SCFD1: variants seen among roughly 807,000 people sequenced by gnomAD.
The protein encoded by SCFD1 is sec1 family domain containing 1, also known as sec1 family domain-containing protein 1.
In SCFD1, 37 loss-of-function variants were observed where a neutral mutation model predicts 103.2. The observed-to-expected ratio is 0.36, with a 90% confidence interval of 0.28 to 0.47. The LOEUF (loss-of-function observed/expected upper bound fraction) is 0.47. Ranked by LOEUF, SCFD1 falls within the 20% of genes least tolerant of loss-of-function variation. SCFD1 has a pLI of 1.00. For missense variants in SCFD1, 639 were observed against 761.2 expected, an observed-to-expected ratio of 0.84 and a Z score of 1.89; for synonymous variants, 264 against 245.0, an observed-to-expected ratio of 1.08 and a Z score of -0.73.
chr14:30,717,533 A>C (rs1266833515), intron 20 of SCFD1, among the ~76,000 whole-genome samples: 6 of 152,108 alleles, frequency 3.9e-5, no homozygotes, highest in African/African-American at 7.2e-5. Context: ...CTTGAAGTTG[A>C]GATGAAAAAT....
At position 30,673,887 on chromosome 14, in the gene SCFD1, T is replaced by C. The variant is rs202156230; in HGVS notation, c.1087-37T>C. On this transcript the variant is annotated intron_variant, in intron 12 of 24. Coordinates refer to ENST00000458591, the MANE Select transcript of SCFD1 (RefSeq NM_016106.4). ...TTGATTTTTATGCTTGTGCCTGGGATTTTTGAGTAGCTATTGAGACCTTTT... is the reference window on the plus strand; with the variant it reads ...TTGATTTTTATGCTTGTGCCTGGGACTTTTGAGTAGCTATTGAGACCTTTT... 44 of 1,432,890 alleles carry C rather than the reference T, an allele frequency of 3.1e-5. 1 individual carries two copies. The highest frequency in any genetic ancestry group is 6.9e-5 in the South Asian group (6 of 87,368). The allele number at this position is 1,432,890 out of a possible 1,614,324, so 88.8% of individuals were successfully genotyped here.
chr14:30,642,244 C>T (rs1197792414), intron 6 of SCFD1, among the ~76,000 whole-genome samples: 4 of 152,130 alleles, frequency 2.6e-5, no homozygotes, highest in Non-Finnish European at 5.9e-5. Context: ...TGTGCCACCA[C>T]ACCTGGCTAA....
chr14:30,653,843 GA>G, intron 10 of SCFD1: 1 of 268,620 alleles, frequency 3.7e-6, no homozygotes, highest in Non-Finnish European at 6.9e-6. Context: ...AGAAGGAAAA[GA>G]AAACAATTGA....
chr14:30,734,810 T>C lies in SCFD1; in HGVS notation c.1857T>C (p.Ile619=). Residue 619 remains isoleucine (I), a synonymous_variant, in exon 24 of 25, where the codon ATT becomes ATC. Coordinates refer to ENST00000458591, the MANE Select transcript of SCFD1 (RefSeq NM_016106.4). ...TACAGGGGAAACAAGGCAAACACATTTTATATGGCTGCAGTGAGCTTTTTA... is the reference window on the plus strand; with the variant it reads ...TACAGGGGAAACAAGGCAAACACATCTTATATGGCTGCAGTGAGCTTTTTA... ...DYIKGKQGKH[I]LYGCSELFNA... 4 of 1,613,524 alleles carry C rather than the reference T, an allele frequency of 2.5e-6. No homozygotes were observed. The highest frequency in any genetic ancestry group is 3.4e-6 in the Non-Finnish European group (4 of 1,179,558).
chr14:30,722,713 T>C (rs1892736121), intron 23 of SCFD1, 154 bp downstream of exon 23: 2 of 422,116 alleles, frequency 4.7e-6, no homozygotes, highest in East Asian at 7.2e-5. Context: ...TTTATTGTTT[T>C]CCTATTCCTG....
intron 23 of SCFD1, among the ~76,000 whole-genome samples, chr14:30,727,851 G>A (rs1379853083): frequency 6.6e-6 from 1 of 151,986 alleles, no homozygotes; most frequent in Non-Finnish European, 1.5e-5. Flanking sequence ...TGTTGAGGTG[G>A]ATAACTACAA....
Position 30,735,755 on chromosome 14 carries a change from T to C in SCFD1, c.*146T>C. 1.8e-6 allele frequency: 1 copy of C among 559,586 alleles called. No individual in the cohort carries two copies. The highest frequency in any genetic ancestry group is 2.7e-5 in the South Asian group (1 of 36,468). The allele number at this position is 559,586 out of a possible 1,614,324, so 34.7% of individuals were successfully genotyped here. ...TATTTGTTAATTTTTAAGGAAATTA[T>C]ATACTTAATATGTATTGATTAAAAG... On this transcript the variant is annotated 3_prime_UTR_variant, in exon 25 of 25. Coordinates refer to ENST00000458591, the MANE Select transcript of SCFD1 (RefSeq NM_016106.4).
At chr14:30,629,146 G>T (rs1164199644) in intron 2 of SCFD1, among the ~76,000 whole-genome samples, 1 of 151,814 alleles carries the variant, frequency 6.6e-6, no homozygotes, top group African/African-American at 2.4e-5. Context: ...GAATTTCTTG[G>T]GTACAAATTT....
At chr14:30,733,075 G>T (rs1387313783) in intron 23 of SCFD1, among the ~76,000 whole-genome samples, 2 of 148,996 alleles carry the variant, frequency 1.3e-5, no homozygotes, top group East Asian at 3.9e-4. Flanking sequence ...GCGCAGTCTT[G>T]GCTCACTGCA....
At chr14:30,660,536 C>A (rs1436503168) in intron 10 of SCFD1, among the ~76,000 whole-genome samples, 1 of 152,020 alleles carries the variant, frequency 6.6e-6, no homozygotes, top group Non-Finnish European at 1.5e-5. Context: ...TAATTATTGC[C>A]TCTTTATTTT....
chr14:30,668,061 A>G (rs557601334), intron 10 of SCFD1, among the ~76,000 whole-genome samples: 6 of 152,244 alleles, frequency 3.9e-5, no homozygotes, highest in African/African-American at 9.6e-5. Flanking sequence ...TAAAGTTCAT[A>G]TGGAACCAAA....
intron 7 of SCFD1, among the ~76,000 whole-genome samples, chr14:30,647,335 A>G (rs1421047773): frequency 6.6e-6 from 1 of 152,078 alleles, no homozygotes; most frequent in Non-Finnish European, 1.5e-5. Context: ...TTATATGCAA[A>G]TTGTATGGCT....
chr14:30,628,110 T>C, intron 1 of SCFD1, 99 bp from the exon 2 acceptor site: 4 of 740,434 alleles, frequency 5.4e-6, no homozygotes, highest in Non-Finnish European at 9.1e-6. Context: ...TTTACTAGAG[T>C]TGATTAGTTT....
chr14:30,644,431 T>G (rs932470688), intron 7 of SCFD1, among the ~76,000 whole-genome samples: 3 of 152,236 alleles, frequency 2.0e-5, no homozygotes, highest in African/African-American at 7.2e-5. Flanking sequence ...CCAAATTGCT[T>G]TCCACAGTGG....
chr14:30,716,933 T>A (rs1365161733), intron 20 of SCFD1, among the ~76,000 whole-genome samples: 2 of 152,162 alleles, frequency 1.3e-5, no homozygotes, highest in Admixed American at 1.3e-4. Flanking sequence ...CATCTGGGAA[T>A]CAATACAGAT....
At chr14:30,651,340 A>G (rs1269265644) in intron 9 of SCFD1, among the ~76,000 whole-genome samples, 2 of 152,200 alleles carry the variant, frequency 1.3e-5, no homozygotes, top group Non-Finnish European at 2.9e-5. Flanking sequence ...TAATAATTTC[A>G]TAATAACTTT....
At chr14:30,698,323 T>C (rs1279284544) in intron 15 of SCFD1, among the ~76,000 whole-genome samples, 1 of 152,220 alleles carries the variant, frequency 6.6e-6, no homozygotes, top group African/African-American at 2.4e-5. Context: ...TTCCCTGTGG[T>C]TATGTCATTA....
At chr14:30,705,947 C>G in intron 18 of SCFD1, 62 bp downstream of exon 18, 4 of 1,309,368 alleles carry the variant, frequency 3.1e-6, no homozygotes, top group Non-Finnish European at 4.4e-6. Flanking sequence ...GACTTTCATG[C>G]CTTAAAAACA....
intron 23 of SCFD1, among the ~76,000 whole-genome samples, chr14:30,731,778 A>G (rs763945827): frequency 6.6e-6 from 1 of 152,180 alleles, no homozygotes; most frequent in Non-Finnish European, 1.5e-5. Flanking sequence ...TTTTCTAGAT[A>G]TACAATCATG....
Sources: allele counts gnomAD v4.1 joint callset (sites outside exome capture counted in the v4.1 genomes callset), GRCh38; gene constraint gnomAD v4.1.1; transcripts MANE v1.5; gene names NCBI Gene and HGNC (gene_info 2026-07-23, HGNC 2026-07-21).